The following HIBADH variants were observed in gnomAD, a reference collection of about 807,000 sequenced individuals.
The protein encoded by HIBADH is 3-hydroxyisobutyrate dehydrogenase.
A neutral mutation model predicts 36.1 loss-of-function variants in HIBADH; 25 were observed. That is an observed-to-expected ratio of 0.69 (90% CI 0.50 to 0.97). The LOEUF is 0.97. Ranked by LOEUF, HIBADH falls within the 50% of genes least tolerant of loss-of-function variation. The pLI is 0.00. For synonymous variants in HIBADH, 160 were observed against 149.5 expected (o/e 1.07, Z -0.51); for missense variants, 421 against 418.0 (o/e 1.01, Z -0.06).
At chr7:27,586,956 G>T (rs1391341473) in intron 4 of HIBADH, among the ~76,000 whole-genome samples, 1 of 152,256 alleles carries the variant, frequency 6.6e-6, no homozygotes, top group Non-Finnish European at 1.5e-5. Context: ...CTGCCAGTCT[G>T]GGCGGTGCCG....
chr7:27,575,140 C>CAAAT (rs1467089091), intron 4 of HIBADH, among the ~76,000 whole-genome samples: 1 of 152,126 alleles, frequency 6.6e-6, no homozygotes, highest in African/African-American at 2.4e-5. Flanking sequence ...GATACTCTGC[C>CAAAT]AAATAGGTTT....
At chr7:27,609,132 C>T (rs1396838047) in intron 4 of HIBADH, among the ~76,000 whole-genome samples, 1 of 152,082 alleles carries the variant, frequency 6.6e-6, no homozygotes, top group Non-Finnish European at 1.5e-5. Context: ...ATAATGAGAG[C>T]AATAATAAAA....
chr7:27,659,756 T>C (rs771490437), intron 1 of HIBADH, among the ~76,000 whole-genome samples: 32 of 151,650 alleles, frequency 2.1e-4, no homozygotes, highest in Non-Finnish European at 4.3e-4. Flanking sequence ...AAACAAACAT[T>C]TAAAAATTAA....
chr7:27,540,920 C>T (rs1395299482), intron 5 of HIBADH, among the ~76,000 whole-genome samples: 1 of 152,202 alleles, frequency 6.6e-6, no homozygotes, highest in East Asian at 1.9e-4. Flanking sequence ...GGGTTCTCAT[C>T]GTCCAGGCCT....
intron 4 of HIBADH, among the ~76,000 whole-genome samples, chr7:27,612,999 GAT>G (rs922307090): frequency 9.4e-5 from 12 of 127,086 alleles, no homozygotes; most frequent in Admixed American, 2.6e-4. Context: ...ATATATATAG[GAT>G]ATATATATCC....
intron 4 of HIBADH, among the ~76,000 whole-genome samples, chr7:27,606,219 G>A (rs1382487244): frequency 6.6e-6 from 1 of 152,148 alleles, no homozygotes; most frequent in Non-Finnish European, 1.5e-5. Context: ...AAATTACACT[G>A]TATAATTAAT....
chr7:27,634,369 G>A (rs774111605), intron 2 of HIBADH, among the ~76,000 whole-genome samples: 8 of 151,870 alleles, frequency 5.3e-5, no homozygotes, highest in African/African-American at 9.7e-5. Flanking sequence ...AGAAATAAGC[G>A]CTTAAGTTGC....
intron 4 of HIBADH, among the ~76,000 whole-genome samples, chr7:27,621,541 C>A (rs1055014769): frequency 6.6e-6 from 1 of 152,174 alleles, no homozygotes; most frequent in African/African-American, 2.4e-5. Flanking sequence ...CCTGTAATCC[C>A]AGCACCTTGG....
intron 4 of HIBADH, among the ~76,000 whole-genome samples, chr7:27,596,461 C>T (rs1785035514): frequency 6.6e-6 from 1 of 152,172 alleles, no homozygotes; most frequent in Admixed American, 6.5e-5. Context: ...GAAGTAAAAA[C>T]TTTGATGAAA....
intron 2 of HIBADH, 76 bp downstream of exon 2, chr7:27,649,397 G>T: frequency 8.4e-7 from 1 of 1,187,962 alleles, no homozygotes; most frequent in Non-Finnish European, 1.2e-6. Flanking sequence ...ATACTTCTAA[G>T]AAGCTGTCAC....
At chr7:27,660,258 T>C (rs890313028) in intron 1 of HIBADH, among the ~76,000 whole-genome samples, 1 of 152,248 alleles carries the variant, frequency 6.6e-6, no homozygotes, top group African/African-American at 2.4e-5. Flanking sequence ...TTAATGTCAT[T>C]TGACTCCAAA....
rs1005609250 is a variant in HIBADH, at chr7:27,594,390, G to A, written c.484+34981C>T. 1.1e-4 allele frequency among the ~76,000 whole-genome samples: 16 copies of A among 152,006 alleles called. 1 individual carries two copies. The highest frequency in any genetic ancestry group is 6.5e-4 in the Admixed American group (10 of 15,270). ...ACTTCTGACCTCAGGTGATCCACCC[G>A]CCTTGGCCTCCCAAAGTGCTGGGAT... On this transcript the variant is annotated intron_variant, in intron 4 of 7. Transcript: ENST00000265395.
intron 4 of HIBADH, among the ~76,000 whole-genome samples, chr7:27,579,084 T>C (rs1295150320): frequency 2.0e-5 from 3 of 152,184 alleles, no homozygotes; most frequent in Admixed American, 6.5e-5. Context: ...AAATGTAACA[T>C]ATGAACTTTT....
chr7:27,633,641 C>A (rs1785787438), intron 2 of HIBADH, among the ~76,000 whole-genome samples: 1 of 151,960 alleles, frequency 6.6e-6, no homozygotes. Flanking sequence ...CCTGCCTGGG[C>A]AACAGAGCGA....
chr7:27,642,356 C>G (rs1785975066), intron 2 of HIBADH, among the ~76,000 whole-genome samples: 1 of 152,190 alleles, frequency 6.6e-6, no homozygotes, highest in Admixed American at 6.5e-5. Flanking sequence ...TGCCTTAGCA[C>G]TTAATTATAG....
intron 1 of HIBADH, among the ~76,000 whole-genome samples, chr7:27,653,502 G>A (rs1441314872): frequency 2.6e-5 from 4 of 152,126 alleles, no homozygotes; most frequent in Non-Finnish European, 4.4e-5. Flanking sequence ...TTGGGAGGCC[G>A]AGACGGGCGG....
chr7:27,626,704 A>G (rs1401177597), intron 4 of HIBADH, among the ~76,000 whole-genome samples: 2 of 152,244 alleles, frequency 1.3e-5, no homozygotes, highest in Admixed American at 1.3e-4. Flanking sequence ...TTTTTAAAAA[A>G]ACTTCTCTTT....
chr7:27,660,157 C>G (rs577077579), intron 1 of HIBADH, among the ~76,000 whole-genome samples: 1 of 152,312 alleles, frequency 6.6e-6, no homozygotes, highest in East Asian at 1.9e-4. Flanking sequence ...ATAATATTAT[C>G]ATTCATATGA....
chr7:27,539,730 T>C (rs1784119843), intron 5 of HIBADH, among the ~76,000 whole-genome samples: 1 of 152,106 alleles, frequency 6.6e-6, no homozygotes, highest in Non-Finnish European at 1.5e-5. Flanking sequence ...AACTTTTGAC[T>C]CTCCAAAAAC....
Sources: allele counts gnomAD v4.1 joint callset (sites outside exome capture counted in the v4.1 genomes callset), GRCh38; gene constraint gnomAD v4.1.1; transcripts MANE v1.5; gene names NCBI Gene and HGNC (gene_info 2026-07-23, HGNC 2026-07-21).